SCGB2B2: variants seen among roughly 807,000 people sequenced by gnomAD.
SCGB2B2 encodes the protein secretoglobin-like protein.
In SCGB2B2, 11 loss-of-function variants were observed where a neutral mutation model predicts 7.6. That is an observed-to-expected ratio of 1.45 (90% CI 0.91 to 2.40). The LOEUF (loss-of-function observed/expected upper bound fraction) is 2.40, where lower values mean the gene tolerates loss of function less well. Among genes scored for constraint, SCGB2B2 ranks in the 30% most tolerant of loss-of-function variants. The pLI is 0.00. For synonymous variants in SCGB2B2, 50 were observed against 48.6 expected (o/e 1.03, Z -0.12); for missense variants, 104 against 115.4 (o/e 0.90, Z 0.45).
chr19:34,647,109 C>A (rs910327719), intron 1 of SCGB2B2, among the ~76,000 whole-genome samples: 2 of 152,162 alleles, frequency 1.3e-5, no homozygotes, highest in Non-Finnish European at 2.9e-5. Context: ...CCCATAAATA[C>A]CTGCAGCTCA....
At chr19:34,644,881 C>CT (rs372417508) in intron 1 of SCGB2B2, among the ~76,000 whole-genome samples, 2 of 152,308 alleles carry the variant, frequency 1.3e-5, no homozygotes, top group African/African-American at 4.8e-5. Flanking sequence ...GTACTATTAA[C>CT]TGAGTGCCCA....
At chr19:34,634,838 GCACA>G in intron 1 of SCGB2B2, 2 of 255,190 alleles carry the variant, frequency 7.8e-6, no homozygotes, top group South Asian at 6.5e-5. Context: ...CACATTCGCT[GCACA>G]CATAGGGCCT....
chr19:34,627,939 A>G (rs942419251), intron 1 of SCGB2B2, among the ~76,000 whole-genome samples: 5 of 152,226 alleles, frequency 3.3e-5, no homozygotes, highest in African/African-American at 4.8e-5. Flanking sequence ...CCACAGTGCA[A>G]TCAAACTAGA....
chr19:34,638,532 C>A (rs1413838025), intron 1 of SCGB2B2, among the ~76,000 whole-genome samples: 3 of 151,784 alleles, frequency 2.0e-5, no homozygotes, highest in Non-Finnish European at 2.9e-5. Flanking sequence ...AAACTGAAAT[C>A]GGCAAAGCTC....
Position 34,621,605 on chromosome 19 carries a change from A to C in SCGB2B2, c.-2031-25011T>G, listed in dbSNP as rs181104894. Among the ~76,000 whole-genome samples the C allele has an allele frequency of 7.9e-4, 121 of 152,316 alleles. 1 individual carries two copies. The highest frequency in any genetic ancestry group is 1.5e-3 in the Non-Finnish European group (99 of 68,032). The stretch of plus-strand genomic sequence containing the variant: ...CAAGATCCAAGGAGAGAAAAACATA[A>C]AAATCTTTTAAATATATCTATAACT... On this transcript the variant is annotated intron_variant, in intron 1 of 3. Coordinates refer to ENST00000601241, the MANE Select transcript of SCGB2B2 (RefSeq NM_001025591.4).
chr19:34,612,659 CTGTT>C (rs1336339282), intron 1 of SCGB2B2, among the ~76,000 whole-genome samples: 1 of 152,170 alleles, frequency 6.6e-6, no homozygotes, highest in Non-Finnish European at 1.5e-5. Context: ...CTGTAAATGT[CTGTT>C]AGATTTGTTT....
At chr19:34,667,561 T>A (rs1449051900) in intron 1 of SCGB2B2, among the ~76,000 whole-genome samples, 1 of 152,184 alleles carries the variant, frequency 6.6e-6, no homozygotes, top group Admixed American at 6.5e-5. Context: ...ATGGGAAGCC[T>A]CTAGAGGGTA....
chr19:34,645,527 CACACACAGACACAG>C (rs751766139), intron 1 of SCGB2B2: 2,045 of 59,298 alleles, frequency 0.034, 14 homozygotes, highest in East Asian at 0.057. Context: ...CACACACAGA[CACACACAGACACAG>C]ACACACACAC....
intron 1 of SCGB2B2, among the ~76,000 whole-genome samples, chr19:34,659,435 C>G (rs1415813819): frequency 6.6e-6 from 1 of 152,202 alleles, no homozygotes; most frequent in Non-Finnish European, 1.5e-5. Flanking sequence ...GCAACTTCAG[C>G]AAAGTCTCAG....
intron 1 of SCGB2B2, among the ~76,000 whole-genome samples, chr19:34,617,855 T>C (rs181697302): frequency 5.3e-5 from 8 of 152,320 alleles, no homozygotes; most frequent in Non-Finnish European, 1.2e-4. Context: ...TTTGAAATCG[T>C]TGGAAAAGCG....
intron 1 of SCGB2B2, among the ~76,000 whole-genome samples, chr19:34,662,680 A>G (rs1329156512): frequency 6.6e-6 from 1 of 152,136 alleles, no homozygotes; most frequent in African/African-American, 2.4e-5. Flanking sequence ...CTTATCAAGA[A>G]AATATAAAGA....
Position 34,592,848 on chromosome 19 carries a change from C to T in SCGB2B2, c.*707G>A, listed in dbSNP as rs1013829224. On this transcript the variant is annotated 3_prime_UTR_variant, in exon 4 of 4. Coordinates refer to ENST00000601241, the MANE Select transcript of SCGB2B2 (RefSeq NM_001025591.4). ...GCTGAGCTGCAGGTATTTATGGGGA[C>T]GCTGAGGCTTGTGACTTAGCCAGGA... Among the ~76,000 whole-genome samples the T allele has an allele frequency of 6.6e-6, 1 of 152,102 alleles. No individual in the cohort carries two copies. Among genetic ancestry groups the T allele is most frequent in the Non-Finnish European group, 1.5e-5 (1 of 68,024 alleles).
chr19:34,620,673 A>AAGTC (rs2066218063), intron 1 of SCGB2B2, among the ~76,000 whole-genome samples: 1 of 152,228 alleles, frequency 6.6e-6, no homozygotes, highest in African/African-American at 2.4e-5. Flanking sequence ...ATATTTTAAA[A>AAGTC]AGTCAGATGA....
At chr19:34,629,139 T>A (rs2145936038) in intron 1 of SCGB2B2, among the ~76,000 whole-genome samples, 1 of 152,092 alleles carries the variant, frequency 6.6e-6, no homozygotes, top group South Asian at 2.1e-4. Flanking sequence ...AAGAGCTATT[T>A]ATGACAAACC....
intron 1 of SCGB2B2, among the ~76,000 whole-genome samples, chr19:34,617,964 T>C (rs1254048457): frequency 6.6e-6 from 1 of 152,248 alleles, no homozygotes; most frequent in Non-Finnish European, 1.5e-5. Flanking sequence ...GCTTCCCGAG[T>C]GAGGCAATGC....
chr19:34,601,537 C>T (rs541505183), intron 1 of SCGB2B2, among the ~76,000 whole-genome samples: 2 of 152,214 alleles, frequency 1.3e-5, no homozygotes, highest in African/African-American at 4.8e-5. Flanking sequence ...ATCTCTGTAC[C>T]ACTCATATGA....
chr19:34,634,624 C>T (rs1191394438), intron 1 of SCGB2B2, among the ~76,000 whole-genome samples: 2 of 152,194 alleles, frequency 1.3e-5, no homozygotes, highest in African/African-American at 2.4e-5. Flanking sequence ...TCCCTGCGTT[C>T]CAAGGCCTTC....
At position 34,622,363 on chromosome 19, in the gene SCGB2B2, C is replaced by G. The variant is rs550141869; in HGVS notation, c.-2031-25769G>C. Among the ~76,000 whole-genome samples the G allele has an allele frequency of 1.7e-3, 254 of 152,288 alleles. 1 individual carries two copies. The highest frequency in any genetic ancestry group is 5.6e-3 in the African/African-American group (234 of 41,558). Reference sequence around the variant, plus strand: ...GAGCCCCAGGTTCCCAAGTCAGGGACTGAGTTTTAGCTGCTTGCATTTCTT... The same window carrying G: ...GAGCCCCAGGTTCCCAAGTCAGGGAGTGAGTTTTAGCTGCTTGCATTTCTT... On this transcript the variant is annotated intron_variant, in intron 1 of 3. Coordinates refer to ENST00000601241, the MANE Select transcript of SCGB2B2 (RefSeq NM_001025591.4).
Position 34,641,142 on chromosome 19 carries a change from T to C in SCGB2B2, c.-2032+34488A>G, listed in dbSNP as rs188344930. Among the ~76,000 whole-genome samples the C allele has an allele frequency of 6.2e-4, 95 of 152,250 alleles. 1 individual carries two copies. In the East Asian group the frequency reaches 0.015, roughly 24 times the overall value. Reference sequence around the variant, plus strand: ...TTGAGCTGCTTATATGCCTGGACTTTGACTTGTTTGGTTTTGACTGGTTTT... The same window carrying C: ...TTGAGCTGCTTATATGCCTGGACTTCGACTTGTTTGGTTTTGACTGGTTTT... On this transcript the variant is annotated intron_variant, in intron 1 of 3. Coordinates refer to ENST00000601241, the MANE Select transcript of SCGB2B2 (RefSeq NM_001025591.4).
Sources: gnomAD v4.1 joint callset for allele counts (sites outside exome capture counted in the v4.1 genomes callset) on GRCh38, gnomAD v4.1.1 for gene constraint, MANE v1.5 for transcripts, NCBI Gene and HGNC (gene_info 2026-07-23, HGNC 2026-07-21) for gene names.